THOC2: variants seen among roughly 807,000 people sequenced by gnomAD.
The protein encoded by THOC2 is THO complex subunit 2.
Under a neutral mutation model 128.4 loss-of-function variants are expected in THOC2, and 10 were observed. The ratio of observed to expected loss-of-function variants is 0.08; its 90% CI spans 0.05 to 0.13. THOC2 has a LOEUF of 0.13. Among genes scored for constraint, THOC2 ranks in the 10% least tolerant of loss-of-function variants. The pLI, the probability that THOC2 is intolerant of heterozygous loss-of-function variation, is 1.00. For synonymous variants in THOC2, 393 were observed against 396.9 expected, an observed-to-expected ratio of 0.99 and a Z score of 0.12; for missense variants, 535 against 1,155.7, an observed-to-expected ratio of 0.46 and a Z score of 7.79.
At chrX:123,654,937 T>C (rs948639738) in intron 12 of THOC2, among the ~76,000 whole-genome samples, 7 of 109,755 alleles carry the variant, frequency 6.4e-5, no homozygotes, top group African/African-American at 2.3e-4. Context: ...ATAGGTTTAT[T>C]AGGAGGAGGG....
At chrX:123,638,813 T>A in intron 17 of THOC2, 121 bp downstream of exon 17, 1 of 415,247 alleles carries the variant, frequency 2.4e-6, no homozygotes, top group Non-Finnish European at 4.2e-6. Flanking sequence ...TGACCAAACT[T>A]CAGATCAGCC....
chrX:123,664,416 G>A (rs532416097), intron 12 of THOC2, among the ~76,000 whole-genome samples: 1 of 112,231 alleles, frequency 8.9e-6, no homozygotes, highest in South Asian at 3.7e-4. Context: ...GAGTGAACTG[G>A]CAACCTACAG....
chrX:123,689,172 A>G (rs2050123124), intron 7 of THOC2, among the ~76,000 whole-genome samples: 1 of 112,326 alleles, frequency 8.9e-6, no homozygotes, highest in Admixed American at 9.4e-5. Flanking sequence ...ATTTAACAGC[A>G]TTACTTCATC....
Position 123,624,631 on chromosome X carries a change from A to G in THOC2, c.3096T>C (p.Thr1032=), listed in dbSNP as rs779383269. 2.5e-6 allele frequency: 3 copies of G among 1,208,166 alleles called. No homozygotes were observed. The African/African-American group carries it at 5.2e-5, about 21-fold the overall frequency. ...TTCCGTATCGACTGGCTTCATTTTC[A>G]GTACAGCTTGCAACTGTGTAAATTA... The part of the protein sequence containing the change: ...SDIIYTVASC[T]ENEASRYGRF... The change falls in exon 26 of 39, where the codon ACT becomes ACC. Residue 1032 remains threonine (T), a synonymous_variant. Transcript: ENST00000245838.
At chrX:123,636,510 C>G (rs1448459017) in intron 18 of THOC2, among the ~76,000 whole-genome samples, 1 of 111,680 alleles carries the variant, frequency 9.0e-6, no homozygotes, top group Non-Finnish European at 1.9e-5. Context: ...ATCTTTGCAG[C>G]CTGATTCCAG....
intron 12 of THOC2, among the ~76,000 whole-genome samples, chrX:123,652,104 C>T (rs747330926): frequency 2.8e-4 from 31 of 111,496 alleles, no homozygotes; most frequent in African/African-American, 7.5e-4. Context: ...GGCTTCATCC[C>T]GGGGATGCAA....
At chrX:123,708,955 C>T (rs931959390) in intron 2 of THOC2, among the ~76,000 whole-genome samples, 1 of 111,392 alleles carries the variant, frequency 9.0e-6, no homozygotes, top group African/African-American at 3.3e-5. Context: ...CCATGTTGAC[C>T]CGGCTGGTCT....
intron 23 of THOC2, among the ~76,000 whole-genome samples, chrX:123,627,170 T>C (rs1424644658): frequency 1.8e-5 from 2 of 112,441 alleles, no homozygotes; most frequent in Non-Finnish European, 3.8e-5. Flanking sequence ...TGACTTCCAA[T>C]GCCTACATAA....
rs375229237 is a variant in THOC2 at position 123,635,811 on chromosome X, G to C, written c.2018+268C>G. 1.9e-4 allele frequency among the ~76,000 whole-genome samples: 21 copies of C among 111,705 alleles called. No homozygotes were observed. The East Asian group carries it at 4.2e-3, about 22-fold the overall frequency. On this transcript the variant is annotated intron_variant, in intron 19 of 38. Coordinates refer to ENST00000245838, the MANE Select transcript of THOC2 (RefSeq NM_001081550.2). ...TATCATATTAGCCATTTACTCAAAA[G>C]CCTAATAGGCAGTCAAAATAACTGA...
intron 12 of THOC2, among the ~76,000 whole-genome samples, chrX:123,655,730 A>G (rs1270362548): frequency 9.0e-6 from 1 of 110,730 alleles, no homozygotes; most frequent in East Asian, 2.8e-4. Flanking sequence ...CTGCCTGCCT[A>G]ATTTCAGGTT....
chrX:123,659,174 G>T (rs1206147900), intron 12 of THOC2, among the ~76,000 whole-genome samples: 2 of 111,924 alleles, frequency 1.8e-5, no homozygotes, highest in Non-Finnish European at 3.8e-5. Flanking sequence ...TTTGGGCCAG[G>T]AGCATCAACA....
intron 8 of THOC2, among the ~76,000 whole-genome samples, chrX:123,680,433 C>T (rs1024262924): frequency 1.8e-5 from 2 of 110,801 alleles, no homozygotes; most frequent in Non-Finnish European, 3.8e-5. Flanking sequence ...TCCCCCTCTC[C>T]GAGAAACACC....
chrX:123,650,242 C>G (rs755581820), intron 12 of THOC2, among the ~76,000 whole-genome samples: 6 of 111,838 alleles, frequency 5.4e-5, no homozygotes, highest in Middle Eastern at 4.6e-3. Context: ...AAATCCTTTA[C>G]AGTCAAGCAA....
chrX:123,673,922 A>G (rs997526755), intron 8 of THOC2, among the ~76,000 whole-genome samples: 1 of 111,193 alleles, frequency 9.0e-6, no homozygotes, highest in African/African-American at 3.3e-5. Context: ...CTACTCCCTC[A>G]CTATTGTTGC....
chrX:123,647,421 A>C (rs1289819154), intron 12 of THOC2, among the ~76,000 whole-genome samples: 1 of 111,479 alleles, frequency 9.0e-6, no homozygotes, highest in Non-Finnish European at 1.9e-5. Context: ...GGAGACAGAA[A>C]CAGGGAGGGA....
intron 5 of THOC2, 109 bp from the exon 6 acceptor site, chrX:123,696,951 A>G (rs1007035902): frequency 3.6e-6 from 2 of 561,961 alleles, no homozygotes; most frequent in African/African-American, 2.4e-5. Context: ...AACATTCTCT[A>G]CATAACAACC....
At position 123,624,676 on chromosome X, in the gene THOC2, G is replaced by GA. The variant is rs1603243135; in HGVS notation, c.3058-8dup. 1 of 1,192,044 alleles carries GA rather than the reference G, an allele frequency of 8.4e-7. No homozygotes were observed. The highest frequency in any genetic ancestry group is 1.1e-6 in the Non-Finnish European group (1 of 883,557). Reference sequence around the variant, plus strand: ...AAATTATGTCAGAGAAAACCTACAGGAGAAAAATGTTTAAAAAATATAAAC... The same window carrying GA: ...AAATTATGTCAGAGAAAACCTACAGGAAGAAAAATGTTTAAAAAATATAAAC... On this transcript the variant is annotated splice_region_variant and splice_polypyrimidine_tract_variant and intron_variant, in intron 25 of 38. Transcript: ENST00000245838.
chrX:123,693,935 G>A, intron 7 of THOC2, among the ~76,000 whole-genome samples: 1 of 111,238 alleles, frequency 9.0e-6, no homozygotes, highest in Non-Finnish European at 1.9e-5. Flanking sequence ...TATACCTCAT[G>A]AGCTTGCAGT....
At chrX:123,721,734 C>T (rs1441161261) in intron 1 of THOC2, among the ~76,000 whole-genome samples, 1 of 106,864 alleles carries the variant, frequency 9.4e-6, no homozygotes, top group Non-Finnish European at 1.9e-5. Context: ...TGCAGTGAGC[C>T]GAGATCACAC....
Sources: gnomAD v4.1 joint callset for allele counts (sites outside exome capture counted in the v4.1 genomes callset) on GRCh38, gnomAD v4.1.1 for gene constraint, MANE v1.5 for transcripts, NCBI Gene and HGNC (gene_info 2026-07-23, HGNC 2026-07-21) for gene names.